Variants in TBC1D12 observed in about 807,000 individuals in gnomAD.
The protein encoded by TBC1D12 is TBC1 domain family member 12, also known as TBC1 domain family, member 12.
A neutral mutation model predicts 86.7 loss-of-function variants in TBC1D12; 56 were observed. That is an observed-to-expected ratio of 0.65 (90% CI 0.52 to 0.81). TBC1D12 has a LOEUF of 0.81. Among genes scored for constraint, TBC1D12 ranks in the 30% least tolerant of loss-of-function variants. TBC1D12 has a pLI of 0.00. For missense variants in TBC1D12, 1,023 were observed against 1,038.8 expected (o/e 0.98, Z 0.21); for synonymous variants, 421 against 411.7 (o/e 1.02, Z -0.27).
chr10:94,464,226 T>C (rs1456382229), intron 2 of TBC1D12, among the ~76,000 whole-genome samples: 1 of 152,224 alleles, frequency 6.6e-6, no homozygotes, highest in Non-Finnish European at 1.5e-5. Flanking sequence ...AAATGGCATG[T>C]CATTTACTGT....
At chr10:94,407,096 G>A (rs2054864083) in intron 1 of TBC1D12, among the ~76,000 whole-genome samples, 1 of 152,054 alleles carries the variant, frequency 6.6e-6, no homozygotes. Context: ...AAAGAGGGGG[G>A]AGCATTTTAC....
intron 2 of TBC1D12, among the ~76,000 whole-genome samples, chr10:94,448,824 C>T (rs1428886312): frequency 6.6e-6 from 1 of 152,126 alleles, no homozygotes; most frequent in African/African-American, 2.4e-5. Context: ...TTTGTTTTCA[C>T]CTTTATTTAC....
intron 4 of TBC1D12, among the ~76,000 whole-genome samples, chr10:94,494,082 G>A (rs977257231): frequency 1.3e-5 from 2 of 151,776 alleles, no homozygotes; most frequent in East Asian, 3.9e-4. Flanking sequence ...GTGACTTACA[G>A]AGTCTCTCTA....
chr10:94,441,753 A>G, intron 1 of TBC1D12, 143 bp from the exon 2 acceptor site: 1 of 737,122 alleles, frequency 1.4e-6, no homozygotes, highest in Non-Finnish European at 2.1e-6. Context: ...TATTATTCTA[A>G]GTAATAGTGG....
intron 5 of TBC1D12, 86 bp downstream of exon 5, chr10:94,497,258 C>CT (rs1197473576): frequency 1.2e-5 from 9 of 732,064 alleles, no homozygotes; most frequent in Middle Eastern, 9.1e-4. Flanking sequence ...TATTATTATA[C>CT]TTTAAGTTTT....
intron 5 of TBC1D12, among the ~76,000 whole-genome samples, chr10:94,497,515 CTTTTTT>C (rs34789814): frequency 2.0e-5 from 2 of 98,094 alleles, no homozygotes; most frequent in African/African-American, 4.4e-5. Context: ...TCTGCTAAAT[CTTTTTT>C]TTTTTTTTTT....
At chr10:94,443,896 A>G (rs1421543137) in intron 2 of TBC1D12, among the ~76,000 whole-genome samples, 1 of 152,232 alleles carries the variant, frequency 6.6e-6, no homozygotes, top group Non-Finnish European at 1.5e-5. Flanking sequence ...GAGGCCGAGT[A>G]TAGTGGCTCA....
intron 8 of TBC1D12, 107 bp downstream of exon 8, chr10:94,510,286 A>G (rs2056510921): frequency 1.5e-6 from 1 of 671,012 alleles, no homozygotes; most frequent in South Asian, 2.4e-5. Flanking sequence ...GCAAAACTAT[A>G]GAAATTGGGG....
chr10:94,512,004 G>C (rs2056533774), intron 9 of TBC1D12, among the ~76,000 whole-genome samples: 1 of 152,108 alleles, frequency 6.6e-6, no homozygotes, highest in Non-Finnish European at 1.5e-5. Flanking sequence ...TTAAGGGAAG[G>C]ATAGGTACCT....
Position 94,523,192 on chromosome 10 carries a change from C to CAAA in TBC1D12, c.2000+762_2000+764dup, listed in dbSNP as rs33935088. ...TGGACAACAGAGCGAAACTCTATCT[C>CAAA]AAAAAAAAAAAAAAAAAAAAAAAAA... On this transcript the variant is annotated intron_variant, in intron 11 of 12. Coordinates refer to ENST00000225235, the MANE Select transcript of TBC1D12 (RefSeq NM_015188.2). Among the ~76,000 whole-genome samples the CAAA allele has an allele frequency of 8.5e-3, 373 of 43,970 alleles. 22 individuals carry two copies. The highest frequency in any genetic ancestry group is 0.011 in the Non-Finnish European group (270 of 24,876). The allele number at this position is 43,970 out of a possible 152,430, so 28.8% of individuals were successfully genotyped here.
chr10:94,492,174 A>T (rs1223734784), intron 3 of TBC1D12, among the ~76,000 whole-genome samples: 2 of 152,194 alleles, frequency 1.3e-5, no homozygotes, highest in African/African-American at 2.4e-5. Context: ...ATTAAATTAA[A>T]CTTTATCATA....
intron 1 of TBC1D12, among the ~76,000 whole-genome samples, chr10:94,422,479 C>T (rs1247647118): frequency 2.0e-5 from 3 of 152,234 alleles, no homozygotes; most frequent in Middle Eastern, 3.4e-3. Context: ...TGAGCCACCA[C>T]GCCCGGCTGG....
intron 1 of TBC1D12, among the ~76,000 whole-genome samples, chr10:94,425,182 T>C (rs549307580): frequency 1.3e-5 from 2 of 152,308 alleles, no homozygotes; most frequent in Admixed American, 1.3e-4. Context: ...CCGGGGTTAG[T>C]AGAGGGTGTG....
intron 3 of TBC1D12, among the ~76,000 whole-genome samples, chr10:94,486,235 C>T (rs2056161976): frequency 6.7e-6 from 1 of 149,298 alleles, no homozygotes; most frequent in South Asian, 2.1e-4. Flanking sequence ...GCAGCCTTGA[C>T]CTCCTAGGCT....
intron 6 of TBC1D12, among the ~76,000 whole-genome samples, chr10:94,503,754 T>A (rs1589663572): frequency 6.6e-6 from 1 of 152,226 alleles, no homozygotes; most frequent in East Asian, 1.9e-4. Flanking sequence ...GCCTCCCAAG[T>A]AGCTGAGATT....
intron 1 of TBC1D12, among the ~76,000 whole-genome samples, chr10:94,427,613 C>G (rs1456032054): frequency 1.3e-5 from 2 of 152,054 alleles, no homozygotes; most frequent in Non-Finnish European, 2.9e-5. Flanking sequence ...AGGTGGATCA[C>G]TTAAGGCCAG....
At chr10:94,444,619 A>G (rs1377531158) in intron 2 of TBC1D12, among the ~76,000 whole-genome samples, 1 of 151,768 alleles carries the variant, frequency 6.6e-6, no homozygotes, top group Non-Finnish European at 1.5e-5. Flanking sequence ...GTTCTATGAT[A>G]TTTTCTTACC....
chr10:94,502,670 C>T (rs1030156115), intron 6 of TBC1D12, among the ~76,000 whole-genome samples: 13 of 152,106 alleles, frequency 8.5e-5, no homozygotes, highest in South Asian at 4.2e-4. Context: ...CCAGCCTGGG[C>T]GACAGAGTGA....
intron 1 of TBC1D12, among the ~76,000 whole-genome samples, chr10:94,423,504 C>T (rs960629989): frequency 2.6e-5 from 4 of 151,996 alleles, no homozygotes; most frequent in Non-Finnish European, 4.4e-5. Context: ...CCCGCTACCA[C>T]GCCCGGCTAA....
Sources: allele counts gnomAD v4.1 joint callset (sites outside exome capture counted in the v4.1 genomes callset), GRCh38; gene constraint gnomAD v4.1.1; transcripts MANE v1.5; gene names NCBI Gene and HGNC (gene_info 2026-07-23, HGNC 2026-07-21).